Variants in RTTN observed in about 807,000 individuals in gnomAD.
The protein encoded by RTTN is rotatin.
Under a neutral mutation model 269.2 loss-of-function variants are expected in RTTN, and 182 were observed. The ratio of observed to expected loss-of-function variants is 0.68; its 90% CI spans 0.60 to 0.76. The LOEUF is 0.76. Ranked by LOEUF, RTTN falls within the 30% of genes least tolerant of loss-of-function variation. The probability of loss-of-function intolerance (pLI) is 0.00; values close to 1 mark genes in which losing one functional copy is unlikely to be tolerated. For synonymous variants in RTTN, 1,006 were observed against 963.5 expected, an observed-to-expected ratio of 1.04 and a Z score of -0.82; for missense variants, 2,545 against 2,608.6, an observed-to-expected ratio of 0.98 and a Z score of 0.53.
At chr18:70,130,078 A>C (rs2059960795) in intron 23 of RTTN, 1 of 152,050 alleles carries the variant, frequency 6.6e-6, no homozygotes, top group Non-Finnish European at 1.5e-5. Context: ...CCACAATGAG[A>C]TATCTCACCC....
At position 70,166,965 on chromosome 18, in the gene RTTN, G is replaced by C; in HGVS notation, c.1756C>G (p.Gln586Glu). ...ATTTCCTTTATTAGCGGGAAATGCTGATGATAGGAAAAGCTACGCAAGGCT... is the reference window on the plus strand; with the variant it reads ...ATTTCCTTTATTAGCGGGAAATGCTCATGATAGGAAAAGCTACGCAAGGCT... ...DQALRSFSYH[Q>E]HFPLIKEIIS... Residue 586 changes from glutamine to glutamate, a missense_variant, in exon 13 of 49, where the codon CAG becomes GAG. Coordinates refer to ENST00000640769, the MANE Select transcript of RTTN (RefSeq NM_173630.4). The C allele has an allele frequency of 1.2e-6, 2 of 1,613,556 alleles. No homozygotes were observed. Among genetic ancestry groups the C allele is most frequent in the Non-Finnish European group, 1.7e-6 (2 of 1,179,684 alleles).
intron 35 of RTTN, among the ~76,000 whole-genome samples, chr18:70,064,977 G>A (rs536928085): frequency 2.6e-5 from 4 of 151,906 alleles, no homozygotes; most frequent in Non-Finnish European, 5.9e-5. Flanking sequence ...TGCTCCTTTT[G>A]TTCTTAAGAA....
intron 24 of RTTN, 78 bp from the exon 25 acceptor site, chr18:70,127,819 T>TC: frequency 7.6e-7 from 1 of 1,318,438 alleles, no homozygotes; most frequent in Admixed American, 2.5e-5. Flanking sequence ...TATTATAAAC[T>TC]CTCCCAAAAG....
At chr18:70,100,315 C>G (rs2059124769) in intron 28 of RTTN, among the ~76,000 whole-genome samples, 1 of 152,114 alleles carries the variant, frequency 6.6e-6, no homozygotes, top group South Asian at 2.1e-4. Flanking sequence ...AAGTTGGATT[C>G]CTAGGTATTT....
chr18:70,169,859 C>T (rs1337739080), intron 11 of RTTN, among the ~76,000 whole-genome samples: 1 of 152,094 alleles, frequency 6.6e-6, no homozygotes, highest in African/African-American at 2.4e-5. Flanking sequence ...CTCACTATTA[C>T]GGCTGAAATG....
At chr18:70,161,154 A>G (rs1371106859) in intron 14 of RTTN, among the ~76,000 whole-genome samples, 1 of 152,208 alleles carries the variant, frequency 6.6e-6, no homozygotes. Context: ...ACAGATACAC[A>G]GGCCACTAGA....
intron 14 of RTTN, among the ~76,000 whole-genome samples, chr18:70,159,112 T>C (rs2060760114): frequency 6.6e-6 from 1 of 152,082 alleles, no homozygotes; most frequent in Non-Finnish European, 1.5e-5. Flanking sequence ...TACAGAGTAC[T>C]CCACTCAACA....
chr18:70,125,786 CCTTT>C (rs1431519006), intron 25 of RTTN, among the ~76,000 whole-genome samples: 1 of 151,918 alleles, frequency 6.6e-6, no homozygotes, highest in Non-Finnish European at 1.5e-5. Flanking sequence ...AGATAATGTT[CCTTT>C]CTATCATTAA....
chr18:70,068,345 C>A (rs1469390753), intron 34 of RTTN, among the ~76,000 whole-genome samples: 2 of 152,164 alleles, frequency 1.3e-5, no homozygotes, highest in Admixed American at 6.5e-5. Flanking sequence ...TAGTCCACGT[C>A]CTCATTTAGA....
intron 32 of RTTN, among the ~76,000 whole-genome samples, chr18:70,086,079 A>G (rs1599456521): frequency 6.6e-6 from 1 of 152,200 alleles, no homozygotes; most frequent in East Asian, 1.9e-4. Context: ...AGCAAGATAC[A>G]CTATAACCCG....
intron 38 of RTTN, among the ~76,000 whole-genome samples, chr18:70,052,458 T>C (rs2144819256): frequency 6.6e-6 from 1 of 152,276 alleles, no homozygotes; most frequent in East Asian, 1.9e-4. Flanking sequence ...GTACTATATG[T>C]ATATCTGTAC....
At chr18:70,115,520 TAAA>T (rs66581269) in intron 26 of RTTN, among the ~76,000 whole-genome samples, 2 of 149,080 alleles carry the variant, frequency 1.3e-5, no homozygotes, top group Admixed American at 1.3e-4. Context: ...GGCACTGTGC[TAAA>T]AAAAAAAGAT....
At chr18:70,017,744 C>A in intron 45 of RTTN, 70 bp from the exon 46 acceptor site, 1 of 1,252,344 alleles carries the variant, frequency 8.0e-7, no homozygotes, top group Non-Finnish European at 1.1e-6. Context: ...CCTTGGTGAC[C>A]AATTAACTAA....
At chr18:70,105,143 C>T (rs567089888) in intron 28 of RTTN, among the ~76,000 whole-genome samples, 2 of 152,330 alleles carry the variant, frequency 1.3e-5, no homozygotes, top group East Asian at 3.9e-4. Context: ...TGGTGGGTTC[C>T]ACCCAGTTCG....
intron 28 of RTTN, among the ~76,000 whole-genome samples, chr18:70,099,942 C>G (rs1447976540): frequency 2.0e-5 from 3 of 152,126 alleles, no homozygotes; most frequent in Admixed American, 1.3e-4. Context: ...TGGTCTATAT[C>G]TCTGTTTTGG....
chr18:70,164,171 T>G (rs1406745821), intron 14 of RTTN, among the ~76,000 whole-genome samples: 1 of 151,984 alleles, frequency 6.6e-6, no homozygotes, highest in Non-Finnish European at 1.5e-5. Flanking sequence ...GCCACTGAAT[T>G]GTACACTCAG....
intron 30 of RTTN, among the ~76,000 whole-genome samples, chr18:70,089,083 T>G (rs2058775238): frequency 6.6e-6 from 1 of 152,192 alleles, no homozygotes; most frequent in Non-Finnish European, 1.5e-5. Context: ...TAACCTTTTC[T>G]CTTTTATATT....
chr18:70,142,887 T>C (rs1315110470), intron 18 of RTTN, among the ~76,000 whole-genome samples: 1 of 152,050 alleles, frequency 6.6e-6, no homozygotes, highest in Non-Finnish European at 1.5e-5. Flanking sequence ...TAGCTGGGTG[T>C]GGTAGTACAC....
At chr18:70,024,928 C>T (rs2056811283) in intron 43 of RTTN, 80 bp from the exon 44 acceptor site, 1 of 1,496,740 alleles carries the variant, frequency 6.7e-7, no homozygotes, top group Admixed American at 1.9e-5. Context: ...CAACAGAAAG[C>T]CATCAACATA....
Sources: gnomAD v4.1 joint callset for allele counts (sites outside exome capture counted in the v4.1 genomes callset) on GRCh38, gnomAD v4.1.1 for gene constraint, MANE v1.5 for transcripts, NCBI Gene and HGNC (gene_info 2026-07-23, HGNC 2026-07-21) for gene names.